ROBO1: variants seen among roughly 807,000 people sequenced by gnomAD.
The protein encoded by ROBO1 is roundabout homolog 1.
A neutral mutation model predicts 195.9 loss-of-function variants in ROBO1; 149 were observed. That is an observed-to-expected ratio of 0.76 (90% CI 0.67 to 0.87). ROBO1 has a LOEUF of 0.87. Among genes scored for constraint, ROBO1 ranks in the 40% least tolerant of loss-of-function variants. The pLI is 0.00. For synonymous variants in ROBO1, 816 were observed against 733.2 expected, an observed-to-expected ratio of 1.11 and a Z score of -1.82; for missense variants, 1,933 against 2,068.3, an observed-to-expected ratio of 0.93 and a Z score of 1.27.
chr3:79,723,951 G>A (rs1027385929), intron 1 of ROBO1, among the ~76,000 whole-genome samples: 3 of 152,134 alleles, frequency 2.0e-5, no homozygotes, highest in African/African-American at 7.2e-5. Context: ...TCATAGATTA[G>A]AAATAAATAA....
intron 5 of ROBO1, among the ~76,000 whole-genome samples, chr3:78,719,019 A>T (rs191397227): frequency 1.8e-4 from 28 of 152,338 alleles, no homozygotes; most frequent in Non-Finnish European, 3.2e-4. Context: ...CTTTATTTTA[A>T]TCCAGGCATC....
At chr3:79,728,289 T>A (rs913332920) in intron 1 of ROBO1, among the ~76,000 whole-genome samples, 1 of 152,074 alleles carries the variant, frequency 6.6e-6, no homozygotes, top group Non-Finnish European at 1.5e-5. Context: ...TTGGTAGATA[T>A]GGAGAGCTGA....
intron 1 of ROBO1, among the ~76,000 whole-genome samples, chr3:79,607,425 T>G: frequency 6.6e-6 from 1 of 151,818 alleles, no homozygotes; most frequent in Non-Finnish European, 1.5e-5. Flanking sequence ...AGCTTAAGTT[T>G]AAAAACTCAG....
intron 4 of ROBO1, among the ~76,000 whole-genome samples, chr3:78,838,261 A>G (rs1169079607): frequency 1.3e-5 from 2 of 152,200 alleles, no homozygotes; most frequent in Non-Finnish European, 2.9e-5. Flanking sequence ...TGTCCATCAT[A>G]ATTAAAGGCC....
chr3:78,983,738 T>C (rs1235547732), intron 3 of ROBO1, among the ~76,000 whole-genome samples: 1 of 152,226 alleles, frequency 6.6e-6, no homozygotes, highest in Non-Finnish European at 1.5e-5. Flanking sequence ...GGCAAGGATG[T>C]GACCACTGTC....
At chr3:79,635,367 C>T (rs573344624) in intron 1 of ROBO1, among the ~76,000 whole-genome samples, 1 of 152,274 alleles carries the variant, frequency 6.6e-6, no homozygotes, top group Non-Finnish European at 1.5e-5. Flanking sequence ...CCATAATGTT[C>T]CTACCCTCAA....
chr3:78,671,058 C>T (rs1708036505), intron 10 of ROBO1, among the ~76,000 whole-genome samples: 1 of 152,210 alleles, frequency 6.6e-6, no homozygotes, highest in East Asian at 1.9e-4. Flanking sequence ...CTGCTAACTC[C>T]GTTACCTTAG....
At chr3:78,812,277 GGTCTAT>G (rs1167198249) in intron 4 of ROBO1, among the ~76,000 whole-genome samples, 4 of 151,910 alleles carry the variant, frequency 2.6e-5, no homozygotes, top group African/African-American at 9.7e-5. Context: ...TTCAAGACTC[GGTCTAT>G]GTCATTGTTC....
chr3:79,102,944 G>C (rs2079706182), intron 3 of ROBO1, among the ~76,000 whole-genome samples: 1 of 151,500 alleles, frequency 6.6e-6, no homozygotes, highest in African/African-American at 2.4e-5. Flanking sequence ...TAGTGGCCTG[G>C]GATAAAAATG....
chr3:79,681,787 T>C (rs1946956897), intron 1 of ROBO1, among the ~76,000 whole-genome samples: 1 of 151,970 alleles, frequency 6.6e-6, no homozygotes, highest in African/African-American at 2.4e-5. Flanking sequence ...GTAGGGATAG[T>C]GTCATTCACA....
intron 2 of ROBO1, among the ~76,000 whole-genome samples, chr3:79,241,111 A>G (rs1226799559): frequency 6.6e-6 from 1 of 152,130 alleles, no homozygotes; most frequent in Non-Finnish European, 1.5e-5. Context: ...CTTCCAACAG[A>G]TTTTCTCTAA....
At position 78,676,342 on chromosome 3, in the gene ROBO1, T is replaced by C. The variant is rs933312203; in HGVS notation, c.1343-6041A>G. ...CTGGATGGAGAATGACTTTGACGAG[T>C]TGAGAGAAGAAGGCTTCAGACGATC... is the stretch of plus-strand genomic sequence containing the variant. On this transcript the variant is annotated intron_variant, in intron 10 of 30. Transcript: ENST00000464233. 6.6e-4 allele frequency among the ~76,000 whole-genome samples: 100 copies of C among 151,944 alleles called. 1 individual carries two copies. Among genetic ancestry groups the C allele is most frequent in the East Asian group, 1.9e-4 (1 of 5,162 alleles).
intron 25 of ROBO1, among the ~76,000 whole-genome samples, chr3:78,628,636 A>G (rs1188429001): frequency 6.6e-6 from 1 of 152,200 alleles, no homozygotes; most frequent in Non-Finnish European, 1.5e-5. Flanking sequence ...TGAACTCAGG[A>G]AAGTTGATGC....
chr3:79,340,881 G>C (rs1335791476), intron 2 of ROBO1, among the ~76,000 whole-genome samples: 1 of 152,186 alleles, frequency 6.6e-6, no homozygotes, highest in Non-Finnish European at 1.5e-5. Flanking sequence ...AGTGCCTGAT[G>C]TAGATTAAAT....
intron 3 of ROBO1, among the ~76,000 whole-genome samples, chr3:78,973,563 A>T: frequency 7.9e-6 from 1 of 126,870 alleles, no homozygotes; most frequent in Admixed American, 8.0e-5. Context: ...AAGAAGCTAT[A>T]CATATATGAA....
intron 4 of ROBO1, among the ~76,000 whole-genome samples, chr3:78,757,313 C>T (rs1322194337): frequency 1.3e-5 from 2 of 152,176 alleles, no homozygotes; most frequent in Non-Finnish European, 2.9e-5. Flanking sequence ...CGAACACAAC[C>T]TGAAACAGAT....
At chr3:79,228,502 C>T (rs1164911640) in intron 2 of ROBO1, among the ~76,000 whole-genome samples, 3 of 152,074 alleles carry the variant, frequency 2.0e-5, no homozygotes, top group African/African-American at 7.2e-5. Context: ...CTTTGAGATA[C>T]TTGAAATTTA....
intron 2 of ROBO1, among the ~76,000 whole-genome samples, chr3:79,458,036 G>A (rs2039679522): frequency 1.3e-5 from 2 of 152,014 alleles, no homozygotes; most frequent in Non-Finnish European, 2.9e-5. Context: ...ATGAAGGAAA[G>A]AAAGCAGCTT....
intron 1 of ROBO1, among the ~76,000 whole-genome samples, chr3:79,657,475 GA>G (rs1946202330): frequency 6.6e-6 from 1 of 151,760 alleles, no homozygotes. Flanking sequence ...CCAAATTGGA[GA>G]AAAAAGGAGA....
Sources: gnomAD v4.1 joint callset for allele counts (sites outside exome capture counted in the v4.1 genomes callset) on GRCh38, gnomAD v4.1.1 for gene constraint, MANE v1.5 for transcripts, NCBI Gene and HGNC (gene_info 2026-07-23, HGNC 2026-07-21) for gene names.